Variants in RPSA observed in about 807,000 individuals in gnomAD.
RPSA encodes the protein small ribosomal subunit protein uS2.
For missense variants in RPSA, 140 were observed against 372.8 expected (o/e 0.38, Z 5.14); for synonymous variants, 103 against 126.7 (o/e 0.81, Z 1.25).
In RPSA at chr3:39,412,375, C is replaced by T. The variant is rs769811769; in HGVS notation, c.*7C>T. On this transcript the variant is annotated 3_prime_UTR_variant, in exon 7 of 7. Transcript: ENST00000301821. ...AACCACTGACTGGTCTTAAGCTGTTCTTGCATAGGCTCTTAAGCAGCATGG... is the reference window on the plus strand; with the variant it reads ...AACCACTGACTGGTCTTAAGCTGTTTTTGCATAGGCTCTTAAGCAGCATGG... 8.1e-7 allele frequency: 1 copy of T among 1,239,950 alleles called. No individual in the cohort carries two copies. The highest frequency in any genetic ancestry group is 1.2e-5 in the South Asian group (1 of 82,068). The allele number at this position is 1,239,950 out of a possible 1,614,324, so 76.8% of individuals were successfully genotyped here. A position where few individuals can be genotyped will look rare whatever the true frequency, so the allele number is the denominator to read the frequency against.
In RPSA at chr3:39,408,946, C is replaced by G. The variant is rs997651907; in HGVS notation, c.252+222C>G. The G allele has an allele frequency of 1.7e-5, 8 of 465,758 alleles. No individual in the cohort carries two copies. In the South Asian group the frequency reaches 1.8e-4, roughly 10 times the overall value. The allele number at this position is 465,758 out of a possible 1,614,324, so 28.9% of individuals were successfully genotyped here. ...CTAAAAATACAAAAAATTAGTTGGG[C>G]GTGGGGGCGGGTGCCTGTAGTCCCA... On this transcript the variant is annotated intron_variant, in intron 3 of 6. Coordinates refer to ENST00000301821, the MANE Select transcript of RPSA (RefSeq NM_002295.6).
rs936998600 is a variant in RPSA at position 39,411,511 on chromosome 3, T to C, written c.499-138T>C. The stretch of plus-strand genomic sequence containing the variant: ...AGACAAGGTTGAAAATCCCTATTTA[T>C]AATGCTCCCTGTTACAATTGCTTTT... On this transcript the variant is annotated intron_variant, in intron 4 of 6. Coordinates refer to ENST00000301821, the MANE Select transcript of RPSA (RefSeq NM_002295.6). 6 of 868,484 alleles carry C rather than the reference T, an allele frequency of 6.9e-6. No homozygotes were observed. In the African/African-American group the frequency reaches 8.4e-5, roughly 12 times the overall value. The allele number at this position is 868,484 out of a possible 1,614,324, so 53.8% of individuals were successfully genotyped here.
intron 1 of RPSA, 112 bp from the exon 2 acceptor site, chr3:39,407,509 A>C (rs916056852): frequency 3.7e-6 from 3 of 805,600 alleles, no homozygotes; most frequent in Admixed American, 3.4e-5. Flanking sequence ...CCTTCACTAC[A>C]CTGTAAGCTC....
intron 3 of RPSA, chr3:39,410,504 T>C: frequency 3.9e-6 from 2 of 510,060 alleles, no homozygotes; most frequent in Non-Finnish European, 7.1e-6. Flanking sequence ...GAGAAAAATA[T>C]ACTGAGCATC....
At chr3:39,411,572 G>C in intron 4 of RPSA, 77 bp from the exon 5 acceptor site, 1 of 1,503,120 alleles carries the variant, frequency 6.7e-7, no homozygotes, top group Non-Finnish European at 9.1e-7. Context: ...GTACCTAGAT[G>C]ATGTAAGAGC....
Position 39,412,447 on chromosome 3 carries a change from C to A in RPSA, c.*79C>A. 1.2e-6 allele frequency: 1 copy of A among 850,238 alleles called. No homozygotes were observed. Among genetic ancestry groups the A allele is most frequent in the Non-Finnish European group, 1.9e-6 (1 of 536,450 alleles). The allele number at this position is 850,238 out of a possible 1,614,324, so 52.7% of individuals were successfully genotyped here. On this transcript the variant is annotated 3_prime_UTR_variant, in exon 7 of 7. Coordinates refer to ENST00000301821, the MANE Select transcript of RPSA (RefSeq NM_002295.6). ...AACATCAGTTTCTAAAAGTTGTCTT[C>A]ATTTAGTTTGCTTTTTACTCCAGAT...
chr3:39,411,839 A>C, intron 5 of RPSA, 57 bp from the exon 6 acceptor site: 1 of 1,599,084 alleles, frequency 6.3e-7, no homozygotes, highest in South Asian at 1.1e-5. Flanking sequence ...CTGTGCTTCT[A>C]GGAAGCAAAA....
rs776417456 is a variant in RPSA at position 39,406,726 on chromosome 3, C to T, written c.-72C>T. On this transcript the variant is annotated 5_prime_UTR_variant, in exon 1 of 7. Coordinates refer to ENST00000301821, the MANE Select transcript of RPSA (RefSeq NM_002295.6). ...GTCATTTCCTGCCGCCTGTCTTTTC[C>T]GTGCTACCTGCAGAGGGGTCCATAC... is the stretch of plus-strand genomic sequence containing the variant. 8.5e-6 allele frequency: 3 copies of T among 351,834 alleles called. No homozygotes were observed. Among genetic ancestry groups the T allele is most frequent in the Non-Finnish European group, 1.7e-5 (3 of 180,160 alleles). 21.8% of individuals were successfully genotyped at this position (351,834 alleles called of 1,614,324 possible). A position where few individuals can be genotyped will look rare whatever the true frequency, so the allele number is the denominator to read the frequency against.
At chr3:39,407,090 T>G (rs3772143) in intron 1 of RPSA, 210,428 of 440,672 alleles carry the variant, frequency 0.48, 51,267 homozygotes, top group African/African-American at 0.53. Context: ...GCGGTGAGTC[T>G]AGGCCCAGGC....
In RPSA at chr3:39,406,983, G is replaced by T. The variant is rs1384186624; in HGVS notation, c.-34+219G>T. The T allele has an allele frequency of 1.1e-5, 5 of 451,772 alleles. No homozygotes were observed. In the Admixed American group the frequency reaches 1.2e-4, roughly 11 times the overall value. The allele number at this position is 451,772 out of a possible 1,614,324, so 28.0% of individuals were successfully genotyped here. On this transcript the variant is annotated intron_variant, in intron 1 of 6. Transcript: ENST00000301821. ...AGCGGGTGGAGGCCGCCCTCCAGCG[G>T]AGGCTCCGAGCTGGGGTTCGGACCA...
At chr3:39,407,883 T>C in intron 2 of RPSA, 97 bp downstream of exon 2, 1 of 922,578 alleles carries the variant, frequency 1.1e-6, no homozygotes, top group Non-Finnish European at 1.7e-6. Flanking sequence ...CTTTCTATCT[T>C]CCTTAAATGA....
intron 2 of RPSA, chr3:39,408,009 G>A: frequency 2.0e-6 from 1 of 510,556 alleles, no homozygotes; most frequent in Non-Finnish European, 3.5e-6. Flanking sequence ...ACTTGGGTTG[G>A]GTCATGAACA....
intron 4 of RPSA, chr3:39,411,257 T>C (rs752223524): frequency 1.1e-5 from 8 of 708,548 alleles, no homozygotes; most frequent in African/African-American, 6.9e-5. Context: ...ATTTGGAAAA[T>C]AGTGTGTTCT....
intron 1 of RPSA, 138 bp downstream of exon 1, chr3:39,406,902 G>T (rs376625846): frequency 2.2e-6 from 1 of 455,942 alleles, no homozygotes; most frequent in Non-Finnish European, 4.4e-6. Flanking sequence ...CCCACCTTAG[G>T]CCTGCGGCCC....
chr3:39,411,172 A>G (rs370589299), intron 4 of RPSA, 173 bp downstream of exon 4: 98 of 790,164 alleles, frequency 1.2e-4, no homozygotes, highest in African/African-American at 1.2e-3. Context: ...CTCTGGCCCA[A>G]TGAGTGGAGT....
intron 1 of RPSA, chr3:39,407,100 CGCTGATTTACACCA>C (rs1374526237): frequency 2.3e-6 from 1 of 426,664 alleles, no homozygotes; most frequent in Non-Finnish European, 4.6e-6. Flanking sequence ...TAGGCCCAGG[CGCTGATTTACACCA>C]GCTACTTGGG....
intron 1 of RPSA, chr3:39,407,065 T>C: frequency 4.4e-6 from 2 of 453,412 alleles, no homozygotes; most frequent in Non-Finnish European, 8.9e-6. Flanking sequence ...TGCTATCCCT[T>C]CGGAGTCCCA....
Position 39,411,723 on chromosome 3 carries a change from T to A in RPSA, c.573T>A (p.Arg191=), listed in dbSNP as rs1249512647. Residue 191 remains arginine, a synonymous_variant, in exon 5 of 7, where the codon CGT becomes CGA. Coordinates refer to ENST00000301821, the MANE Select transcript of RPSA (RefSeq NM_002295.6). The part of the protein sequence containing the change: ...EVLRMRGTIS[R]EHPWEVMPDL... ...TGCGCATGCGTGGCACCATTTCCCG[T>A]GAACACCCATGGGAGGTCATGCCTG... 2 of 1,600,496 alleles carry A rather than the reference T, an allele frequency of 1.2e-6. No homozygotes were observed. The highest frequency in any genetic ancestry group is 1.7e-6 in the Non-Finnish European group (2 of 1,179,946).
chr3:39,406,839 G>A (rs1408561722), intron 1 of RPSA, 75 bp downstream of exon 1: 4 of 456,160 alleles, frequency 8.8e-6, no homozygotes, highest in Non-Finnish European at 1.8e-5. Flanking sequence ...TGAAGGGTGA[G>A]AAGACTAGTG....
Sources: allele counts gnomAD v4.1 joint callset, GRCh38; gene constraint gnomAD v4.1.1; transcripts MANE v1.5; gene names NCBI Gene and HGNC (gene_info 2026-07-23, HGNC 2026-07-21).